Variants in RBFOX1 observed in about 807,000 individuals in gnomAD.
RBFOX1 encodes RNA binding protein fox-1 homolog 1.
RBFOX1 carries 8 observed loss-of-function variants against 57.7 expected under a neutral mutation model. The ratio of observed to expected loss-of-function variants is 0.14; its 90% CI spans 0.08 to 0.25. RBFOX1 has a LOEUF of 0.25. RBFOX1 is among the 10% of genes least tolerant of loss of function. The probability of loss-of-function intolerance (pLI) is 1.00; values close to 1 mark genes in which losing one functional copy is unlikely to be tolerated. For synonymous variants in RBFOX1, 326 were observed against 222.4 expected (o/e 1.47, Z -4.15); for missense variants, 611 against 548.5 (o/e 1.11, Z -1.14).
intron 1 of RBFOX1, among the ~76,000 whole-genome samples, chr16:5,466,935 A>G (rs1432904886): frequency 2.0e-5 from 3 of 152,064 alleles, no homozygotes; most frequent in Non-Finnish European, 4.4e-5. Context: ...TCTGATCTTC[A>G]TTTATTATTA....
intron 4 of RBFOX1, among the ~76,000 whole-genome samples, chr16:5,966,315 C>A (rs2059842459): frequency 6.6e-6 from 1 of 152,144 alleles, no homozygotes; most frequent in Admixed American, 6.5e-5. Flanking sequence ...GTTCTGCAGG[C>A]TGTTCGGGAA....
At chr16:5,819,835 A>C (rs1400757077) in intron 3 of RBFOX1, among the ~76,000 whole-genome samples, 1 of 152,210 alleles carries the variant, frequency 6.6e-6, no homozygotes, top group African/African-American at 2.4e-5. Flanking sequence ...GGAGCCCCAG[A>C]AATGATGGAT....
chr16:6,882,953 CT>C (rs1207747020), intron 3 of RBFOX1, among the ~76,000 whole-genome samples: 1 of 152,162 alleles, frequency 6.6e-6, no homozygotes, highest in African/African-American at 2.4e-5. Context: ...TCCCCTCCTG[CT>C]TTAGCAATCA....
At chr16:5,326,922 G>A (rs2064591485) in intron 1 of RBFOX1, among the ~76,000 whole-genome samples, 1 of 152,172 alleles carries the variant, frequency 6.6e-6, no homozygotes, top group African/African-American at 2.4e-5. Context: ...CCAATATCGA[G>A]CCAGGCACTG....
chr16:7,093,679 C>T (rs2061236352), intron 4 of RBFOX1, among the ~76,000 whole-genome samples: 2 of 152,132 alleles, frequency 1.3e-5, no homozygotes. Flanking sequence ...CATTCATGGC[C>T]TCCCCACTCA....
chr16:7,097,821 A>T (rs994871256), intron 4 of RBFOX1, among the ~76,000 whole-genome samples: 1 of 152,252 alleles, frequency 6.6e-6, no homozygotes, highest in Non-Finnish European at 1.5e-5. Context: ...AATACGAAGT[A>T]TATGGAAATT....
At chr16:6,348,024 G>C (rs1567987509) in intron 2 of RBFOX1, among the ~76,000 whole-genome samples, 1 of 152,200 alleles carries the variant, frequency 6.6e-6, no homozygotes, top group Non-Finnish European at 1.5e-5. Flanking sequence ...AACCCAGCCC[G>C]TTCATACCTC....
intron 1 of RBFOX1, among the ~76,000 whole-genome samples, chr16:6,132,614 G>A (rs17195220): frequency 0.12 from 18,080 of 152,112 alleles, 1,221 homozygotes; most frequent in Admixed American, 0.23. Context: ...TAGTAAAAAG[G>A]CACCATTTCA....
intron 3 of RBFOX1, among the ~76,000 whole-genome samples, chr16:6,818,610 T>G (rs2090633974): frequency 6.6e-6 from 1 of 152,186 alleles, no homozygotes; most frequent in Non-Finnish European, 1.5e-5. Flanking sequence ...TAGTAGGGCA[T>G]GTATCACTCA....
intron 4 of RBFOX1, among the ~76,000 whole-genome samples, chr16:5,974,086 G>A (rs566069603): frequency 6.6e-6 from 1 of 152,302 alleles, no homozygotes; most frequent in East Asian, 1.9e-4. Flanking sequence ...ATGCAATAAT[G>A]AATGTAGAGT....
At chr16:6,184,856 C>T (rs564805313) in intron 1 of RBFOX1, among the ~76,000 whole-genome samples, 28 of 152,216 alleles carry the variant, frequency 1.8e-4, no homozygotes, top group East Asian at 3.9e-4. Flanking sequence ...CATGAGCCAC[C>T]GCTTCTGGTC....
intron 2 of RBFOX1, among the ~76,000 whole-genome samples, chr16:6,468,418 G>A (rs532496196): frequency 6.6e-6 from 1 of 152,158 alleles, no homozygotes. Flanking sequence ...CAACGATGTT[G>A]TAAAGAATAC....
chr16:5,945,948 C>T (rs536509956), intron 4 of RBFOX1, among the ~76,000 whole-genome samples: 1 of 152,308 alleles, frequency 6.6e-6, no homozygotes, highest in African/African-American at 2.4e-5. Context: ...TGCTTCACAT[C>T]CTCCTTTCAA....
intron 4 of RBFOX1, among the ~76,000 whole-genome samples, chr16:7,356,598 G>C (rs1306783372): frequency 6.6e-6 from 1 of 152,212 alleles, no homozygotes. Context: ...TAGAGGTGCA[G>C]TAAGAAGCCA....
At chr16:6,076,894 A>C (rs1157044987) in intron 1 of RBFOX1, among the ~76,000 whole-genome samples, 2 of 152,204 alleles carry the variant, frequency 1.3e-5, no homozygotes, top group African/African-American at 4.8e-5. Context: ...CTCTGGCTCA[A>C]GGTGGGAACA....
chr16:5,301,090 T>G (rs1239161406), intron 1 of RBFOX1, among the ~76,000 whole-genome samples: 2 of 152,216 alleles, frequency 1.3e-5, no homozygotes, highest in Admixed American at 1.3e-4. Flanking sequence ...TCACTTGTAA[T>G]GAATAGAACA....
intron 3 of RBFOX1, among the ~76,000 whole-genome samples, chr16:7,044,310 G>A (rs1296571321): frequency 6.6e-6 from 1 of 152,204 alleles, no homozygotes; most frequent in Admixed American, 6.5e-5. Context: ...AGTTCTTGCA[G>A]AGCCAGTCTG....
chr16:7,676,366 T>C (rs2073270214), intron 13 of RBFOX1, among the ~76,000 whole-genome samples: 1 of 152,338 alleles, frequency 6.6e-6, no homozygotes, highest in African/African-American at 2.4e-5. Context: ...AAATAAGAAC[T>C]GTTTGAATAA....
chr16:6,419,962 C>T (rs939391962), intron 2 of RBFOX1, among the ~76,000 whole-genome samples: 1 of 152,132 alleles, frequency 6.6e-6, no homozygotes, highest in South Asian at 2.1e-4. Flanking sequence ...CATCCCTTCC[C>T]TTCTGGCCTG....
Sources: allele counts gnomAD v4.1 joint callset (sites outside exome capture counted in the v4.1 genomes callset), GRCh38; gene constraint gnomAD v4.1.1; transcripts MANE v1.5; gene names NCBI Gene and HGNC (gene_info 2026-07-23, HGNC 2026-07-21).